Variants in C2orf81 observed in about 807,000 individuals in gnomAD.
The protein encoded by C2orf81 is chromosome 2 open reading frame 81, also known as uncharacterized protein C2orf81.
A neutral mutation model predicts 7.9 loss-of-function variants in C2orf81; 5 were observed. The ratio of observed to expected loss-of-function variants is 0.63; its 90% CI spans 0.33 to 1.33. The LOEUF (loss-of-function observed/expected upper bound fraction) is 1.33. Ranked by LOEUF, C2orf81 falls within the 40% of genes most tolerant of loss-of-function variation. The pLI is 0.05. For synonymous variants in C2orf81, 346 were observed against 367.4 expected (o/e 0.94, Z 0.66); for missense variants, 781 against 830.4 (o/e 0.94, Z 0.73).
Position 74,414,699 on chromosome 2 carries a change from CG to C in C2orf81, c.1477del (p.Arg493AlafsTer64). The C allele has an allele frequency of 6.5e-7, 1 of 1,542,966 alleles. No individual in the cohort carries two copies. The part of the protein sequence containing the change: ...HPVLPDVARS[R>X]SPKLWPSVRW... The stretch of plus-strand genomic sequence containing the variant: ...GACACTGGGCCACAGCTTGGGGCTG[CG>C]GCTGCGGGCCACATCAGGGAGCACC... On this transcript the variant is annotated frameshift_variant, in exon 3 of 3. Coordinates refer to ENST00000684111, the MANE Select transcript of C2orf81 (RefSeq NM_001316764.3). LOFTEE classifies it low-confidence loss of function (END_TRUNC). This position sits in a 1 kb window ranked among gnomAD's most constrained non-coding sequence, Gnocchi z 5.3.
chr2:74,415,890 A>G lies in C2orf81; in HGVS notation c.287T>C (p.Met96Thr), dbSNP rs1341425057. Residue 96 changes from methionine (M) to threonine (T), a missense_variant, in exon 3 of 3, where the codon ATG becomes ACG. Coordinates refer to ENST00000684111, the MANE Select transcript of C2orf81 (RefSeq NM_001316764.3). The surrounding 1 kb of genome is among the most constrained non-coding windows in gnomAD (Gnocchi z 5.5). ...PFTISQAREA[M>T]LQITEWRFLA... ...GAAGCGCCACTCGGTGATCTGCAGC[A>G]TGGCCTCCCGGGCCTGGCTGATGGT... 1 of 1,550,142 alleles carries G rather than the reference A, an allele frequency of 6.5e-7. No individual in the cohort carries two copies. Among genetic ancestry groups the G allele is most frequent in the Admixed American group, 2.0e-5 (1 of 50,984 alleles).
intron 1 of C2orf81, among the ~76,000 whole-genome samples, chr2:74,420,309 C>A (rs1676568057): frequency 6.6e-6 from 1 of 151,918 alleles, no homozygotes; most frequent in Admixed American, 6.6e-5. Flanking sequence ...AAGACTAGTC[C>A]CCAAAACTCA....
At chr2:74,418,218 G>A (rs1212780735) in intron 1 of C2orf81, 24 of 1,554,508 alleles carry the variant, frequency 1.5e-5, no homozygotes, top group African/African-American at 4.1e-5. Flanking sequence ...GAGTTGTGGT[G>A]GTTTTCCCGG....
In C2orf81 at chr2:74,414,218, A is replaced by G; in HGVS notation, c.*111T>C. 1.1e-5 allele frequency: 12 copies of G among 1,105,036 alleles called. No homozygotes were observed. Among genetic ancestry groups the G allele is most frequent in the Non-Finnish European group, 1.4e-5 (12 of 830,266 alleles). The allele number at this position is 1,105,036 out of a possible 1,614,324, so 68.5% of individuals were successfully genotyped here. ...TCAGGTGTTTATTTCTGGCTAGCAG[A>G]GGGAGGGACCAGTTACTACTGCCAG... On this transcript the variant is annotated 3_prime_UTR_variant, in exon 3 of 3. Transcript: ENST00000684111. The surrounding 1 kb of genome is among the most constrained non-coding windows in gnomAD (Gnocchi z 5.3).
chr2:74,421,550 T>C lies in C2orf81; in HGVS notation c.11A>G (p.Glu4Gly), dbSNP rs542310418. The change falls in exon 1 of 3, where the codon GAA becomes GGA. Residue 4 changes from glutamate (E) to glycine (G), a missense_variant. By Grantham distance (98) the Glu-to-Gly change is moderately conservative. Transcript: ENST00000684111. MAH[E>G]GSRQERQVRD... Reference sequence around the variant, plus strand: ...AGCTGAACTGAAGCTCACCGAGCCTTCGTGCGCCATCGCCAACGCGGTCGC... The same window carrying C: ...AGCTGAACTGAAGCTCACCGAGCCTCCGTGCGCCATCGCCAACGCGGTCGC... The C allele has an allele frequency of 1.7e-5, 7 of 407,572 alleles. No individual in the cohort carries two copies. The South Asian group carries it at 5.9e-4, about 34-fold the overall frequency. 25.2% of individuals were successfully genotyped at this position (407,572 alleles called of 1,614,324 possible). A position where few individuals can be genotyped will look rare whatever the true frequency, so the allele number is the denominator to read the frequency against.
intron 1 of C2orf81, chr2:74,418,329 C>G: frequency 5.0e-6 from 8 of 1,605,000 alleles, no homozygotes; most frequent in Non-Finnish European, 6.8e-6. Flanking sequence ...CCAGCGCTGT[C>G]CTGGGACTCA....
At chr2:74,418,047 G>T in intron 1 of C2orf81, 1 of 530,554 alleles carries the variant, frequency 1.9e-6, no homozygotes, top group South Asian at 1.8e-5. Context: ...TGGTGATGGT[G>T]GGTGTAGGGA....
At chr2:74,420,216 A>G (rs1676564465) in intron 1 of C2orf81, among the ~76,000 whole-genome samples, 1 of 152,148 alleles carries the variant, frequency 6.6e-6, no homozygotes, top group East Asian at 1.9e-4. Flanking sequence ...AACAGAGGAT[A>G]CGTTTCCTTC....
rs772434329 is a variant in C2orf81 at position 74,414,935 on chromosome 2, G to A, written c.1242C>T (p.Thr414=). 1 of 1,545,892 alleles carries A rather than the reference G, an allele frequency of 6.5e-7. No homozygotes were observed. Among genetic ancestry groups the A allele is most frequent in the Non-Finnish European group, 8.7e-7 (1 of 1,144,074 alleles). ...AYRGRQRGEK[T]KARAEPQALG... ...GGGCTTGGGGTTCGGCCCGGGCCTT[G>A]GTCTTCTCGCCCCGCTGGCGTCCGC... is the stretch of plus-strand genomic sequence containing the variant. Residue 414 remains threonine (T), a synonymous_variant, in exon 3 of 3, where the codon ACC becomes ACT. Coordinates refer to ENST00000684111, the MANE Select transcript of C2orf81 (RefSeq NM_001316764.3). The surrounding 1 kb of genome is among the most constrained non-coding windows in gnomAD (Gnocchi z 5.3).
At position 74,415,024 on chromosome 2, in the gene C2orf81, A is replaced by AGT; in HGVS notation, c.1151_1152dup (p.Trp385ThrfsTer74). The AGT allele has an allele frequency of 3.2e-6, 5 of 1,548,770 alleles. No individual in the cohort carries two copies. Among genetic ancestry groups the AGT allele is most frequent in the Non-Finnish European group, 4.4e-6 (5 of 1,145,996 alleles). On this transcript the variant is annotated frameshift_variant, in exon 3 of 3. Coordinates refer to ENST00000684111, the MANE Select transcript of C2orf81 (RefSeq NM_001316764.3). LOFTEE classifies it low-confidence loss of function (END_TRUNC). The surrounding 1 kb of genome is among the most constrained non-coding windows in gnomAD (Gnocchi z 5.5). ...AGGACCTCAGCCAGAGGGCGCACCC[A>AGT]GTGGCACGGGAGCCTCGCAGGGTCC...
chr2:74,414,744 C>A lies in C2orf81; in HGVS notation c.1433G>T (p.Arg478Leu). ...GAGCACCGGGTGTGTGGTGAGGAAG[C>A]GGATCCTGGAGTTTGGGAGTGGCAG... ...SKLPLPNSRI[R>L]FLTTHPVLPD... is the part of the protein sequence containing the mutation. The change falls in exon 3 of 3, where the codon CGC (arginine) becomes CTC (leucine). Residue 478 changes from arginine to leucine, a missense_variant. By Grantham distance (102) the Arg-to-Leu change is moderately radical. Coordinates refer to ENST00000684111, the MANE Select transcript of C2orf81 (RefSeq NM_001316764.3). This position sits in a 1 kb window ranked among gnomAD's most constrained non-coding sequence, Gnocchi z 5.3. 6.5e-7 allele frequency: 1 copy of A among 1,549,862 alleles called. No individual in the cohort carries two copies. Among genetic ancestry groups the A allele is most frequent in the Non-Finnish European group, 8.7e-7 (1 of 1,145,864 alleles).
Position 74,415,611 on chromosome 2 carries a change from C to G in C2orf81, c.566G>C (p.Gly189Ala). ...HCPSAFPQDP[G>A]GVDRIPLGRS... is the part of the protein sequence containing the mutation. ...TCCTAAAGGGATCCGGTCCACGCCC[C>G]CAGGGTCCTGGGGAAATGCACTCGG... The change falls in exon 3 of 3, where the codon GGG becomes GCG. Residue 189 changes from glycine to alanine, a missense_variant. By Grantham distance (60) the Gly-to-Ala change is moderately conservative (BLOSUM62 0). Transcript: ENST00000684111. The surrounding 1 kb of genome is among the most constrained non-coding windows in gnomAD (Gnocchi z 5.5). 6.4e-7 allele frequency: 1 copy of G among 1,551,164 alleles called. No homozygotes were observed. Among genetic ancestry groups the G allele is most frequent in the Non-Finnish European group, 8.7e-7 (1 of 1,147,004 alleles).
intron 1 of C2orf81, among the ~76,000 whole-genome samples, chr2:74,421,308 A>C (rs1255502550): frequency 1.3e-5 from 2 of 152,136 alleles, no homozygotes; most frequent in Non-Finnish European, 2.9e-5. Flanking sequence ...GCTCTACACC[A>C]CCCACTGACC....
chr2:74,418,443 C>G lies in C2orf81; in HGVS notation c.19-2202G>C, dbSNP rs756139523. The G allele has an allele frequency of 3.3e-6, 5 of 1,536,062 alleles. No homozygotes were observed. The South Asian group carries it at 5.6e-5, about 17-fold the overall frequency. ...TGGACTTCGAGCTCGACTCGCTCAT[C>G]TTCCCTTCTCTAAGGACTAGTTGGA... is the stretch of plus-strand genomic sequence containing the variant. On this transcript the variant is annotated intron_variant, in intron 1 of 2. Coordinates refer to ENST00000684111, the MANE Select transcript of C2orf81 (RefSeq NM_001316764.3).
rs1363242719 is a variant in C2orf81, at chr2:74,415,508, G to A, written c.669C>T (p.Ala223=). 1.9e-6 allele frequency: 3 copies of A among 1,544,484 alleles called. No homozygotes were observed. The highest frequency in any genetic ancestry group is 1.7e-4 in the Middle Eastern group (1 of 5,990). Residue 223 remains alanine, a synonymous_variant, in exon 3 of 3, where the codon GCC becomes GCT. Transcript: ENST00000684111. This position sits in a 1 kb window ranked among gnomAD's most constrained non-coding sequence, Gnocchi z 5.5. ...EPSPQLRVTS[A]PPPTSELFQE... Reference sequence around the variant, plus strand: ...GAAACAGCTCTGATGTGGGAGGAGGGGCCGACGTGACTCTCAGCTGCGGAG... The same window carrying A: ...GAAACAGCTCTGATGTGGGAGGAGGAGCCGACGTGACTCTCAGCTGCGGAG...
chr2:74,421,586 G>A lies in C2orf81; in HGVS notation c.-26C>T. 1 of 425,488 alleles carries A rather than the reference G, an allele frequency of 2.4e-6. No individual in the cohort carries two copies. Among genetic ancestry groups the A allele is most frequent in the South Asian group, 6.5e-5 (1 of 15,330 alleles). The allele number at this position is 425,488 out of a possible 1,614,324, so 26.4% of individuals were successfully genotyped here. On this transcript the variant is annotated 5_prime_UTR_variant, in exon 1 of 3. Coordinates refer to ENST00000684111, the MANE Select transcript of C2orf81 (RefSeq NM_001316764.3). ...CGCCAACGCGGTCGCAGCAACGCTG[G>A]TGTTTCTGCTGCATCCGGGCCGCGT...
At position 74,414,883 on chromosome 2, in the gene C2orf81, C is replaced by A; in HGVS notation, c.1294G>T (p.Ala432Ser). Residue 432 changes from alanine (A) to serine (S), a missense_variant, in exon 3 of 3, where the codon GCA (alanine) becomes TCA (serine). Ala to Ser is a moderately conservative substitution (Grantham distance 99). Transcript: ENST00000684111. This position sits in a 1 kb window ranked among gnomAD's most constrained non-coding sequence, Gnocchi z 5.3. ...CCTGGCCGGAGAGGGAAGAACGCTG[C>A]CGGGGAGACACGGGTGCCGGGGCCG... ...ALGPGTRVSP[A>S]AFFPLRPGIP... 1 of 1,547,270 alleles carries A rather than the reference C, an allele frequency of 6.5e-7. No individual in the cohort carries two copies. Among genetic ancestry groups the A allele is most frequent in the Middle Eastern group, 1.7e-4 (1 of 5,972 alleles).
rs1558527921 is a variant in C2orf81, at chr2:74,415,584, C to T, written c.593G>A (p.Arg198Lys). The T allele has an allele frequency of 1.9e-6, 3 of 1,551,364 alleles. No individual in the cohort carries two copies. The highest frequency in any genetic ancestry group is 2.6e-6 in the Non-Finnish European group (3 of 1,147,002). ...PGGVDRIPLG[R>K]SWMGRGSQEQ... ...CTGGGAGCCTCGACCCATCCACGAC[C>T]TTCCTAAAGGGATCCGGTCCACGCC... The change falls in exon 3 of 3, where the codon AGG becomes AAG. Residue 198 changes from arginine (R) to lysine (K), a missense_variant. Arg to Lys is a conservative substitution (Grantham distance 26, BLOSUM62 2). Transcript: ENST00000684111. The surrounding 1 kb of genome is among the most constrained non-coding windows in gnomAD (Gnocchi z 5.5).
At position 74,415,088 on chromosome 2, in the gene C2orf81, G is replaced by A; in HGVS notation, c.1089C>T (p.His363=). The change falls in exon 3 of 3, where the codon CAC becomes CAT. Residue 363 remains histidine, a synonymous_variant. Transcript: ENST00000684111. The surrounding 1 kb of genome is among the most constrained non-coding windows in gnomAD (Gnocchi z 5.5). Reference sequence around the variant, plus strand: ...CCGCCTTGCGGCGCATCCTGTGGTGGTGGGCGCTCAGCCGCACATCCGAGT... The same window carrying A: ...CCGCCTTGCGGCGCATCCTGTGGTGATGGGCGCTCAGCCGCACATCCGAGT... ...AGHSDVRLSA[H]HHRMRRKAAV... is the part of the protein sequence containing the mutation. The A allele has an allele frequency of 1.3e-6, 2 of 1,547,966 alleles. No homozygotes were observed. Among genetic ancestry groups the A allele is most frequent in the Non-Finnish European group, 1.7e-6 (2 of 1,145,488 alleles).
Sources: gnomAD v4.1 joint callset for allele counts (sites outside exome capture counted in the v4.1 genomes callset) on GRCh38, gnomAD v4.1.1 for gene constraint, Gnocchi (gnomAD v3.1) non-coding constraint, MANE v1.5 for transcripts, NCBI Gene and HGNC (gene_info 2026-07-23, HGNC 2026-07-21) for gene names.